ADAMTSL3: variants seen among roughly 807,000 people sequenced by gnomAD.
ADAMTSL3 encodes the protein ADAMTS-like protein 3.
A neutral mutation model predicts 201.7 loss-of-function variants in ADAMTSL3; 128 were observed. The ratio of observed to expected loss-of-function variants is 0.63; its 90% CI spans 0.55 to 0.73. ADAMTSL3 has a LOEUF of 0.73. Among genes scored for constraint, ADAMTSL3 ranks in the 30% least tolerant of loss-of-function variants. ADAMTSL3 has a pLI of 0.00. For synonymous variants in ADAMTSL3, 738 were observed against 748.4 expected (o/e 0.99, Z 0.23); for missense variants, 1,990 against 2,119.6 (o/e 0.94, Z 1.20).
intron 23 of ADAMTSL3, among the ~76,000 whole-genome samples, chr15:83,997,981 A>G (rs2067718492): frequency 6.6e-6 from 1 of 152,098 alleles, no homozygotes; most frequent in South Asian, 2.1e-4. Context: ...AGGACTTAGA[A>G]CTGAGTGCCA....
intron 3 of ADAMTSL3, among the ~76,000 whole-genome samples, chr15:83,723,228 A>T (rs2062125732): frequency 6.6e-6 from 1 of 152,156 alleles, no homozygotes; most frequent in South Asian, 2.1e-4. Flanking sequence ...ATAAAATATA[A>T]ACCCAAGCAA....
Position 84,037,939 on chromosome 15 carries a change from A to G in ADAMTSL3, c.*133A>G, listed in dbSNP as rs1372740868. On this transcript the variant is annotated 3_prime_UTR_variant, in exon 30 of 30. Coordinates refer to ENST00000286744, the MANE Select transcript of ADAMTSL3 (RefSeq NM_207517.3). ...TATGGATCAAACAGAGGTTGATGCA[A>G]AAACACCACTGTTAAGGTGTAAAGT... The G allele has an allele frequency of 8.4e-6, 11 of 1,308,132 alleles. No homozygotes were observed. Among genetic ancestry groups the G allele is most frequent in the Non-Finnish European group, 1.1e-5 (11 of 988,920 alleles). 81.0% of individuals were successfully genotyped at this position (1,308,132 alleles called of 1,614,324 possible). A position where few individuals can be genotyped will look rare whatever the true frequency, so the allele number is the denominator to read the frequency against.
intron 3 of ADAMTSL3, among the ~76,000 whole-genome samples, chr15:83,730,966 G>C (rs958513353): frequency 1.3e-5 from 2 of 152,006 alleles, no homozygotes; most frequent in South Asian, 4.1e-4. Context: ...TGTAAGATAA[G>C]GGTTCAATTT....
chr15:83,743,524 A>C (rs2062492432), intron 3 of ADAMTSL3, among the ~76,000 whole-genome samples: 3 of 150,966 alleles, frequency 2.0e-5, no homozygotes, highest in Admixed American at 6.6e-5. Flanking sequence ...CGTCTCAAAA[A>C]AAAAAAAAAA....
chr15:84,015,136 G>A (rs907114912), intron 24 of ADAMTSL3, among the ~76,000 whole-genome samples: 18 of 152,042 alleles, frequency 1.2e-4, no homozygotes, highest in Admixed American at 7.2e-4. Context: ...AGTAGAGATG[G>A]GGTTTCACCA....
intron 27 of ADAMTSL3, among the ~76,000 whole-genome samples, chr15:84,030,870 G>C (rs2068396589): frequency 6.6e-6 from 1 of 152,158 alleles, no homozygotes; most frequent in South Asian, 2.1e-4. Flanking sequence ...CTATTCTCAT[G>C]ATAGTGAGTG....
At chr15:83,994,596 T>G (rs1249148185) in intron 23 of ADAMTSL3, among the ~76,000 whole-genome samples, 10 of 124,534 alleles carry the variant, frequency 8.0e-5, no homozygotes, top group East Asian at 4.5e-4. Context: ...GTTTTTTTTT[T>G]TTTTTTTTTT....
rs144362840 is a variant in ADAMTSL3 at position 83,654,343 on chromosome 15, G to GT, written c.-34+68dup. On this transcript the variant is annotated intron_variant, in intron 1 of 29. Transcript: ENST00000286744. The surrounding 1 kb of genome is among the most constrained non-coding windows in gnomAD (Gnocchi z 5.3). ...CGGGGGAAGGCGCTCCCCAGAGGGA[G>GT]TAAGACTTGGAGCAGTGGCCTCTCT... is the stretch of plus-strand genomic sequence containing the variant. 0.068 allele frequency: 10,405 copies of GT among 152,548 alleles called. 570 individuals carry two copies. The highest frequency in any genetic ancestry group is 0.18 in the East Asian group (912 of 5,078). 9.4% of individuals were successfully genotyped at this position (152,548 alleles called of 1,614,324 possible).
intron 15 of ADAMTSL3, among the ~76,000 whole-genome samples, chr15:83,909,809 T>A (rs73441391): frequency 0.028 from 4,185 of 152,160 alleles, 169 homozygotes; most frequent in African/African-American, 0.097. Context: ...AGAGACGGAA[T>A]CTCAGCATGT....
chr15:83,690,683 C>A (rs1417058089), intron 2 of ADAMTSL3, among the ~76,000 whole-genome samples: 1 of 152,128 alleles, frequency 6.6e-6, no homozygotes, highest in Non-Finnish European at 1.5e-5. Flanking sequence ...CATTCCACAC[C>A]CAATCCCAGA....
At chr15:83,768,906 C>T (rs556654896) in intron 3 of ADAMTSL3, among the ~76,000 whole-genome samples, 11 of 152,244 alleles carry the variant, frequency 7.2e-5, no homozygotes, top group Admixed American at 1.3e-4. Flanking sequence ...CTGCTGGAGA[C>T]GGCATTGGGG....
At chr15:83,751,463 A>G (rs972390908) in intron 3 of ADAMTSL3, among the ~76,000 whole-genome samples, 3 of 152,156 alleles carry the variant, frequency 2.0e-5, no homozygotes, top group Admixed American at 1.3e-4. Flanking sequence ...GGTCAATAAT[A>G]TTTGGAAGCT....
At chr15:83,880,519 G>A (rs1196394224) in intron 9 of ADAMTSL3, among the ~76,000 whole-genome samples, 2 of 152,104 alleles carry the variant, frequency 1.3e-5, no homozygotes, top group African/African-American at 4.8e-5. Context: ...TTACTATCTG[G>A]CTCTTTATAA....
chr15:83,783,637 A>C (rs1317901324), intron 4 of ADAMTSL3, among the ~76,000 whole-genome samples: 2 of 152,174 alleles, frequency 1.3e-5, no homozygotes, highest in South Asian at 4.1e-4. Flanking sequence ...AGGAAGAAGC[A>C]TTAGCAGAAA....
intron 25 of ADAMTSL3, among the ~76,000 whole-genome samples, chr15:84,020,691 C>T (rs996852987): frequency 1.2e-4 from 19 of 152,242 alleles, no homozygotes; most frequent in African/African-American, 4.1e-4. Flanking sequence ...ACACACAAAT[C>T]CATCATCATC....
At chr15:83,990,709 A>G (rs1244075109) in intron 22 of ADAMTSL3, among the ~76,000 whole-genome samples, 1 of 152,134 alleles carries the variant, frequency 6.6e-6, no homozygotes, top group Non-Finnish European at 1.5e-5. Context: ...CACTGCAGAG[A>G]CATCATTCCT....
intron 6 of ADAMTSL3, among the ~76,000 whole-genome samples, chr15:83,823,652 C>G (rs552080277): frequency 6.6e-6 from 1 of 152,332 alleles, no homozygotes; most frequent in Non-Finnish European, 1.5e-5. Context: ...TAACAGCTTT[C>G]TGTTCTGTTC....
chr15:83,883,912 G>A (rs1015534139), intron 9 of ADAMTSL3, among the ~76,000 whole-genome samples: 16 of 140,784 alleles, frequency 1.1e-4, no homozygotes, highest in African/African-American at 4.0e-4. Flanking sequence ...TTTTTTTTTA[G>A]ATGGAGTTTC....
intron 15 of ADAMTSL3, among the ~76,000 whole-genome samples, chr15:83,908,640 CT>C (rs1289427736): frequency 3.3e-5 from 5 of 152,194 alleles, no homozygotes; most frequent in African/African-American, 1.2e-4. Flanking sequence ...TGAGGTACCC[CT>C]GTCTTTATGT....
Sources: gnomAD v4.1 joint callset for allele counts (sites outside exome capture counted in the v4.1 genomes callset) on GRCh38, gnomAD v4.1.1 for gene constraint, Gnocchi (gnomAD v3.1) non-coding constraint, MANE v1.5 for transcripts, NCBI Gene and HGNC (gene_info 2026-07-23, HGNC 2026-07-21) for gene names.